Variants in SMG1 observed in about 807,000 individuals in gnomAD.
SMG1 encodes serine/threonine-protein kinase SMG1.
A neutral mutation model predicts 419.9 loss-of-function variants in SMG1; 22 were observed. The observed-to-expected ratio is 0.05, with a 90% CI of 0.04 to 0.07. The LOEUF (loss-of-function observed/expected upper bound fraction) is 0.07, where lower values mean the gene tolerates loss of function less well. Among genes scored for constraint, SMG1 ranks in the 10% least tolerant of loss-of-function variants. SMG1 has a pLI of 1.00. For synonymous variants in SMG1, 1,538 were observed against 1,553.5 expected (o/e 0.99, Z 0.23); for missense variants, 3,185 against 4,342.0 (o/e 0.73, Z 7.49).
rs1194388869 is a variant in SMG1 at position 18,817,526 on chromosome 16, G to A, written c.9895-56C>T. The A allele has an allele frequency of 2.9e-6, 4 of 1,360,856 alleles. No homozygotes were observed. The African/African-American group carries it at 4.4e-5, about 15-fold the overall frequency. 84.3% of individuals were successfully genotyped at this position (1,360,856 alleles called of 1,614,324 possible). On this transcript the variant is annotated intron_variant, in intron 56 of 62. Transcript: ENST00000446231. The stretch of plus-strand genomic sequence containing the variant: ...AGATGGGAGGAAGGTGGGAAAGGGA[G>A]GTGGCAATTAATAACATGAAAAAAT...
intron 29 of SMG1, among the ~76,000 whole-genome samples, chr16:18,855,788 T>C (rs1040482957): frequency 6.6e-6 from 1 of 152,192 alleles, no homozygotes; most frequent in African/African-American, 2.4e-5. Context: ...ACTCTTCTAA[T>C]CCATTTTCCA....
At chr16:18,877,278 A>C in intron 11 of SMG1, 46 bp from the exon 12 acceptor site, 1 of 1,396,162 alleles carries the variant, frequency 7.2e-7, no homozygotes, top group Non-Finnish European at 9.7e-7. Context: ...CAATTACAAA[A>C]AGACATGGAG....
chr16:18,904,024 G>A (rs147805239), intron 1 of SMG1, among the ~76,000 whole-genome samples: 262 of 137,460 alleles, frequency 1.9e-3, no homozygotes, highest in African/African-American at 6.3e-3. Flanking sequence ...TGCAAGCTCC[G>A]CCTCCCGGAT....
intron 51 of SMG1, among the ~76,000 whole-genome samples, chr16:18,830,961 C>A (rs2033133376): frequency 6.6e-6 from 1 of 152,082 alleles, no homozygotes; most frequent in South Asian, 2.1e-4. Context: ...ATTTAAAATC[C>A]TGTATTGAAA....
intron 1 of SMG1, among the ~76,000 whole-genome samples, chr16:18,906,795 T>G (rs543551030): frequency 9.9e-5 from 15 of 152,212 alleles, no homozygotes; most frequent in Non-Finnish European, 2.2e-4. Flanking sequence ...TAACACACAC[T>G]GGTCCAATTT....
chr16:18,833,647 A>G (rs1371869742), intron 50 of SMG1, among the ~76,000 whole-genome samples: 1 of 152,152 alleles, frequency 6.6e-6, no homozygotes, highest in Non-Finnish European at 1.5e-5. Flanking sequence ...ATACTTTGGT[A>G]CTTGCATACA....
intron 31 of SMG1, among the ~76,000 whole-genome samples, chr16:18,852,897 C>T (rs2034679268): frequency 6.6e-6 from 1 of 152,114 alleles, no homozygotes; most frequent in East Asian, 1.9e-4. Flanking sequence ...ATCTTTATTC[C>T]CTTGTTAAAG....
chr16:18,838,391 C>G lies in SMG1; in HGVS notation c.7160G>C (p.Gly2387Ala). 6.2e-7 allele frequency: 1 copy of G among 1,612,636 alleles called. No homozygotes were observed. The highest frequency in any genetic ancestry group is 8.5e-7 in the Non-Finnish European group (1 of 1,179,380). The change falls in exon 44 of 63, where the codon GGA becomes GCA. Residue 2387 changes from glycine to alanine, a missense_variant. By Grantham distance (60) the Gly-to-Ala change is moderately conservative. Coordinates refer to ENST00000446231, the MANE Select transcript of SMG1 (RefSeq NM_015092.5). ...TGAAAGCCTAAATACACCTTCTACT[C>G]CAGTTACACCCAGTGCTGTTTCAAT... ...QNIETALGVTGVEGVFRLSCE... is the reference protein window; with the variant it reads ...QNIETALGVTAVEGVFRLSCE...
In SMG1 at chr16:18,817,486, T is replaced by A; in HGVS notation, c.9895-16A>T. ...GAAATGTGACCTGTAAAGACAGAAA[T>A]GGAACCACAAGAGGAGATGGGAGGA... On this transcript the variant is annotated splice_polypyrimidine_tract_variant and intron_variant, in intron 56 of 62. Coordinates refer to ENST00000446231, the MANE Select transcript of SMG1 (RefSeq NM_015092.5). The A allele has an allele frequency of 1.9e-6, 3 of 1,551,102 alleles. No homozygotes were observed. Among genetic ancestry groups the A allele is most frequent in the Non-Finnish European group, 1.7e-6 (2 of 1,145,510 alleles).
chr16:18,920,479 T>C (rs531910739), intron 1 of SMG1, among the ~76,000 whole-genome samples: 1 of 150,766 alleles, frequency 6.6e-6, no homozygotes, highest in Non-Finnish European at 1.5e-5. Context: ...CATAATGGAG[T>C]AGGAGTTTGA....
At chr16:18,815,074 A>G in intron 60 of SMG1, 101 bp downstream of exon 60, 1 of 746,158 alleles carries the variant, frequency 1.3e-6, no homozygotes, top group Non-Finnish European at 2.2e-6. Context: ...ATAGAATGAC[A>G]GGCCTTAAGT....
intron 58 of SMG1, 40 bp downstream of exon 58, chr16:18,816,262 C>A: frequency 6.8e-7 from 1 of 1,473,536 alleles, no homozygotes; most frequent in Non-Finnish European, 9.3e-7. Flanking sequence ...AATTTTATAA[C>A]AGAGGGAGAG....
intron 1 of SMG1, among the ~76,000 whole-genome samples, chr16:18,913,057 T>C (rs1244476573): frequency 6.6e-6 from 1 of 152,170 alleles, no homozygotes; most frequent in Non-Finnish European, 1.5e-5. Context: ...TTTACTCATC[T>C]AATGAGAAAA....
At chr16:18,868,902 C>T (rs549217191) in intron 20 of SMG1, among the ~76,000 whole-genome samples, 183 bp from the exon 21 acceptor site, 19 of 152,138 alleles carry the variant, frequency 1.2e-4, no homozygotes, top group African/African-American at 4.6e-4. Flanking sequence ...TTTTTCCACA[C>T]AACTCCCTAA....
rs1348872096 is a variant in SMG1, at chr16:18,876,270, T to C, written c.1744A>G (p.Ser582Gly). The change falls in exon 13 of 63, where the codon AGT (serine) becomes GGT (glycine). Residue 582 changes from serine to glycine, a missense_variant. By Grantham distance (56) the Ser-to-Gly change is moderately conservative. Transcript: ENST00000446231. ...GAACAGGCCTCAGGAAGTTGTAGAC[T>C]GTGTAGGAGGTTGTTTAGGGCACAA... Reference protein sequence around the residue: ...MTCALNNLLHSLQLPEACSEI... With the variant: ...MTCALNNLLHGLQLPEACSEI... The C allele has an allele frequency of 1.9e-6, 3 of 1,611,798 alleles. No individual in the cohort carries two copies. In the East Asian group the frequency reaches 6.7e-5, roughly 36 times the overall value.
chr16:18,915,521 A>G (rs1175994965), intron 1 of SMG1, among the ~76,000 whole-genome samples: 1 of 152,140 alleles, frequency 6.6e-6, no homozygotes, highest in Non-Finnish European at 1.5e-5. Flanking sequence ...ACACAAATAT[A>G]GAGTGGATGC....
intron 60 of SMG1, among the ~76,000 whole-genome samples, chr16:18,813,050 T>G: frequency 6.6e-6 from 1 of 151,900 alleles, no homozygotes; most frequent in Non-Finnish European, 1.5e-5. Flanking sequence ...GTGCCACATT[T>G]TCTTAATCCA....
intron 1 of SMG1, among the ~76,000 whole-genome samples, chr16:18,910,818 TCCC>T (rs1280224807): frequency 6.6e-6 from 1 of 151,864 alleles, no homozygotes; most frequent in Non-Finnish European, 1.5e-5. Flanking sequence ...TCCTCCCTCC[TCCC>T]ATTAAAAAAT....
chr16:18,872,736 G>C (rs1336620061), intron 13 of SMG1, 112 bp from the exon 14 acceptor site: 2 of 977,238 alleles, frequency 2.0e-6, no homozygotes, highest in Non-Finnish European at 3.0e-6. Context: ...TAAAATTACA[G>C]ACTGCAAGGG....
Sources: allele counts gnomAD v4.1 joint callset (sites outside exome capture counted in the v4.1 genomes callset), GRCh38; gene constraint gnomAD v4.1.1; transcripts MANE v1.5; gene names NCBI Gene and HGNC (gene_info 2026-07-23, HGNC 2026-07-21).